Variants in GABRB1 observed in about 807,000 individuals in gnomAD.
GABRB1 encodes gamma-aminobutyric acid receptor subunit beta-1.
Under a neutral mutation model 51.6 loss-of-function variants are expected in GABRB1, and 17 were observed. The observed-to-expected ratio is 0.33, with a 90% CI of 0.23 to 0.49. The LOEUF (loss-of-function observed/expected upper bound fraction) is 0.49. Ranked by LOEUF, GABRB1 falls within the 20% of genes least tolerant of loss-of-function variation. GABRB1 has a pLI of 0.99. For synonymous variants in GABRB1, 247 were observed against 218.9 expected (o/e 1.13, Z -1.14); for missense variants, 410 against 600.6 (o/e 0.68, Z 3.32).
intron 4 of GABRB1, among the ~76,000 whole-genome samples, chr4:47,280,076 T>C (rs993777037): frequency 2.6e-5 from 4 of 152,102 alleles, no homozygotes; most frequent in Admixed American, 6.5e-5. Context: ...TGTTGCTTTT[T>C]TTTCTTTCTT....
intron 4 of GABRB1, among the ~76,000 whole-genome samples, chr4:47,303,806 A>T (rs1724350734): frequency 6.6e-6 from 1 of 151,968 alleles, no homozygotes; most frequent in Non-Finnish European, 1.5e-5. Context: ...GTGACTGATT[A>T]TCTCTCTAAT....
At chr4:47,407,068 C>A in intron 8 of GABRB1, 142 bp downstream of exon 8, 1 of 851,110 alleles carries the variant, frequency 1.2e-6, no homozygotes, top group Non-Finnish European at 1.8e-6. Context: ...TTTACATATT[C>A]AGGGACTGAG....
chr4:47,390,137 G>A (rs901747100), intron 5 of GABRB1, among the ~76,000 whole-genome samples: 1 of 152,182 alleles, frequency 6.6e-6, no homozygotes, highest in African/African-American at 2.4e-5. Context: ...GATCAACTTG[G>A]ATCACATGCC....
At chr4:47,284,167 G>A (rs1723413931) in intron 4 of GABRB1, among the ~76,000 whole-genome samples, 1 of 151,366 alleles carries the variant, frequency 6.6e-6, no homozygotes, top group Non-Finnish European at 1.5e-5. Context: ...AGAGCAAGGA[G>A]ACTGGGGTTG....
chr4:47,356,826 A>T (rs1403018418), intron 5 of GABRB1, among the ~76,000 whole-genome samples: 1 of 152,204 alleles, frequency 6.6e-6, no homozygotes, highest in Admixed American at 6.5e-5. Context: ...ATCAGATTTT[A>T]AAAATATTAT....
At chr4:46,998,623 A>C (rs1469878791) in intron 1 of GABRB1, among the ~76,000 whole-genome samples, 1 of 150,940 alleles carries the variant, frequency 6.6e-6, no homozygotes, top group African/African-American at 2.4e-5. Flanking sequence ...AGTCCCAGCT[A>C]CTCGGGAGGC....
At chr4:47,307,098 A>T (rs1359227301) in intron 4 of GABRB1, among the ~76,000 whole-genome samples, 1 of 152,156 alleles carries the variant, frequency 6.6e-6, no homozygotes, top group African/African-American at 2.4e-5. Flanking sequence ...CCAAAGGGAC[A>T]AAAAAATCCA....
At chr4:47,174,038 C>T (rs952110057) in intron 4 of GABRB1, among the ~76,000 whole-genome samples, 1 of 151,900 alleles carries the variant, frequency 6.6e-6, no homozygotes, top group Non-Finnish European at 1.5e-5. Context: ...TTCAATTGTT[C>T]CCTTTTTTGT....
At chr4:47,125,555 A>ATTTATTTTTTTTTTTTTTT (rs570181191) in intron 3 of GABRB1, among the ~76,000 whole-genome samples, 1 of 21,022 alleles carries the variant, frequency 4.8e-5, no homozygotes, top group Non-Finnish European at 1.0e-4. Flanking sequence ...ACAAAGTATA[A>ATTTATTTTTTTTTTTTTTT]TTTCTTTTTT....
At chr4:47,162,253 T>C (rs1270444125) in intron 4 of GABRB1, among the ~76,000 whole-genome samples, 1 of 152,084 alleles carries the variant, frequency 6.6e-6, no homozygotes, top group East Asian at 1.9e-4. Context: ...GTTCATATAC[T>C]ATAAATCAAT....
chr4:47,097,717 G>A (rs899656804), intron 3 of GABRB1, among the ~76,000 whole-genome samples: 2 of 152,144 alleles, frequency 1.3e-5, no homozygotes, highest in East Asian at 3.9e-4. Flanking sequence ...TATGATAAGA[G>A]AATTAAAATG....
chr4:47,199,841 C>T (rs1719830029), intron 4 of GABRB1, among the ~76,000 whole-genome samples: 1 of 152,066 alleles, frequency 6.6e-6, no homozygotes, highest in African/African-American at 2.4e-5. Flanking sequence ...AGGGACGGTG[C>T]TTAGTCTAGA....
intron 3 of GABRB1, among the ~76,000 whole-genome samples, chr4:47,156,238 G>GT (rs1482218266): frequency 2.0e-5 from 3 of 151,472 alleles, no homozygotes; most frequent in Admixed American, 6.6e-5. Context: ...ATTACTGCCT[G>GT]TTTTTTTAAT....
intron 3 of GABRB1, among the ~76,000 whole-genome samples, chr4:47,068,854 G>A (rs898784408): frequency 6.6e-6 from 1 of 152,158 alleles, no homozygotes; most frequent in Non-Finnish European, 1.5e-5. Context: ...GCTCGATGCA[G>A]GCTTGCTACA....
intron 4 of GABRB1, among the ~76,000 whole-genome samples, chr4:47,166,362 A>T (rs1290267930): frequency 1.3e-5 from 2 of 151,922 alleles, no homozygotes; most frequent in African/African-American, 4.8e-5. Context: ...AGACAGCAAG[A>T]AGGACCCTTC....
At chr4:47,115,527 G>A (rs542829188) in intron 3 of GABRB1, among the ~76,000 whole-genome samples, 43 of 151,710 alleles carry the variant, frequency 2.8e-4, no homozygotes, top group Non-Finnish European at 6.0e-4. Context: ...AAAAATTACT[G>A]TTGTTTAATG....
intron 3 of GABRB1, among the ~76,000 whole-genome samples, chr4:47,097,870 G>GCTCACAATTA (rs1277083516): frequency 2.0e-5 from 3 of 152,048 alleles, no homozygotes; most frequent in Non-Finnish European, 4.4e-5. Context: ...GATTACTTAG[G>GCTCACAATTA]CTCACAATTA....
In GABRB1 at chr4:47,186,772, T is replaced by G. The variant is rs543614776; in HGVS notation, c.461+25303T>G. The stretch of plus-strand genomic sequence containing the variant: ...TAATTTCATGATAGTAGGCTCCTCT[T>G]ATTAGAGAGACTCCTTTGGCATTGT... On this transcript the variant is annotated intron_variant, in intron 4 of 8. Coordinates refer to ENST00000295454, the MANE Select transcript of GABRB1 (RefSeq NM_000812.4). 6.4e-4 allele frequency among the ~76,000 whole-genome samples: 97 copies of G among 152,002 alleles called. 2 individuals are homozygous for G. The South Asian group carries it at 0.019, about 30-fold the overall frequency.
At chr4:47,070,933 C>A (rs1727309272) in intron 3 of GABRB1, among the ~76,000 whole-genome samples, 1 of 152,198 alleles carries the variant, frequency 6.6e-6, no homozygotes, top group East Asian at 1.9e-4. Context: ...CTTGCCATCT[C>A]CATTTATTTG....
Sources: gnomAD v4.1 joint callset for allele counts (sites outside exome capture counted in the v4.1 genomes callset) on GRCh38, gnomAD v4.1.1 for gene constraint, MANE v1.5 for transcripts, NCBI Gene and HGNC (gene_info 2026-07-23, HGNC 2026-07-21) for gene names.